The following DNAH7 variants were observed in gnomAD, a reference collection of about 807,000 sequenced individuals.
DNAH7 encodes dynein axonemal heavy chain 7.
In DNAH7, 397 loss-of-function variants were observed where a neutral mutation model predicts 444.6. The ratio of observed to expected loss-of-function variants is 0.89; its 90% CI spans 0.82 to 0.97. The LOEUF is 0.97. Among genes scored for constraint, DNAH7 ranks in the 50% least tolerant of loss-of-function variants. The probability of loss-of-function intolerance (pLI) is 0.00; values close to 1 mark genes in which losing one functional copy is unlikely to be tolerated. For missense variants in DNAH7, 4,902 were observed against 4,800.8 expected, an observed-to-expected ratio of 1.02 and a Z score of -0.62; for synonymous variants, 1,636 against 1,624.4, an observed-to-expected ratio of 1.01 and a Z score of -0.17.
chr2:195,967,209 CATAA>C (rs1325842241), intron 17 of DNAH7, among the ~76,000 whole-genome samples: 3 of 152,106 alleles, frequency 2.0e-5, no homozygotes, highest in African/African-American at 4.8e-5. Flanking sequence ...ATACTGATTG[CATAA>C]ATAAGCAAAA....
At chr2:195,943,948 T>C (rs906985296) in intron 19 of DNAH7, among the ~76,000 whole-genome samples, 1 of 152,140 alleles carries the variant, frequency 6.6e-6, no homozygotes, top group Admixed American at 6.6e-5. Flanking sequence ...GGAACACAAA[T>C]ATGCTCGCTT....
At chr2:196,015,656 C>A (rs1694975211) in intron 9 of DNAH7, among the ~76,000 whole-genome samples, 1 of 152,148 alleles carries the variant, frequency 6.6e-6, no homozygotes, top group Non-Finnish European at 1.5e-5. Flanking sequence ...TTCTAGAGAG[C>A]ATCTTATCAG....
chr2:195,852,750 G>C (rs566418094), intron 46 of DNAH7, among the ~76,000 whole-genome samples: 1 of 152,144 alleles, frequency 6.6e-6, no homozygotes, highest in Non-Finnish European at 1.5e-5. Context: ...GGCAGGGAAC[G>C]TGGGGTTTGT....
chr2:195,961,419 A>G (rs1691096714), intron 17 of DNAH7, among the ~76,000 whole-genome samples: 1 of 146,914 alleles, frequency 6.8e-6, no homozygotes. Context: ...CCACCCTTGT[A>G]GGCATCATTC....
rs76920418 is a variant in DNAH7, at chr2:195,783,260, C to T, written c.10878+3750G>A. On this transcript the variant is annotated intron_variant, in intron 58 of 64. Coordinates refer to ENST00000312428, the MANE Select transcript of DNAH7 (RefSeq NM_018897.3). ...CAAATGATTTCGTTTAGACTCTTAT[C>T]GTTATCTGCCTGGGTTATCATGATA... Among the ~76,000 whole-genome samples the T allele has an allele frequency of 0.019, 2,906 of 152,248 alleles. 223 individuals carry two copies. In the East Asian group the frequency reaches 0.26, roughly 13 times the overall value.
chr2:195,876,643 G>T lies in DNAH7; in HGVS notation c.6018C>A (p.Phe2006Leu). ...KEIYKPLLINFSAQTTAAQTQ... is the reference protein window; with the variant it reads ...KEIYKPLLINLSAQTTAAQTQ... ...TTTGAGCTGCTGTAGTTTGTGCTGA[G>T]AAGTTAATTAGCAGAGGTTTGTAGA... The change falls in exon 37 of 65, where the codon TTC becomes TTA. Residue 2006 changes from phenylalanine to leucine, a missense_variant. Physicochemically the swap from Phe to Leu is conservative, Grantham distance 22 (BLOSUM62 0). Transcript: ENST00000312428. 1 of 1,610,778 alleles carries T rather than the reference G, an allele frequency of 6.2e-7. No homozygotes were observed. Among genetic ancestry groups the T allele is most frequent in the African/African-American group, 1.3e-5 (1 of 74,942 alleles).
At chr2:196,009,546 T>G (rs906286051) in intron 10 of DNAH7, among the ~76,000 whole-genome samples, 1 of 152,160 alleles carries the variant, frequency 6.6e-6, no homozygotes, top group African/African-American at 2.4e-5. Flanking sequence ...AGAAACATGC[T>G]GAGATTCAGG....
At chr2:195,779,722 C>T (rs539995334) in intron 58 of DNAH7, among the ~76,000 whole-genome samples, 39 of 152,224 alleles carry the variant, frequency 2.6e-4, no homozygotes, top group African/African-American at 7.9e-4. Context: ...CCTCCTACCT[C>T]AGCCTCTCAA....
chr2:195,874,041 T>C (rs1273164316), intron 38 of DNAH7, among the ~76,000 whole-genome samples: 1 of 151,572 alleles, frequency 6.6e-6, no homozygotes, highest in Non-Finnish European at 1.5e-5. Flanking sequence ...CAATACAATA[T>C]TAAAATGTAA....
intron 22 of DNAH7, among the ~76,000 whole-genome samples, chr2:195,925,601 G>A (rs1319638867): frequency 6.6e-6 from 1 of 152,060 alleles, no homozygotes; most frequent in Non-Finnish European, 1.5e-5. Context: ...GTGACCTGTT[G>A]GTAAGTTGGA....
chr2:195,796,483 A>C, intron 56 of DNAH7, 93 bp downstream of exon 56: 4 of 1,428,738 alleles, frequency 2.8e-6, no homozygotes, highest in Non-Finnish European at 3.8e-6. Context: ...GCAACGCTCC[A>C]AATTAGAGGG....
Position 195,884,752 on chromosome 2 carries a change from G to GATC in DNAH7, c.5593_5595dup (p.Asp1865dup), listed in dbSNP as rs1701608776. ...CGAAGAATCTTATTAAATTTCAATC[G>GATC]ATCATCATCTGTACAAGAAGCACCA... On this transcript the variant is annotated inframe_insertion, in exon 35 of 65. Transcript: ENST00000312428. 6 of 1,613,790 alleles carry GATC rather than the reference G, an allele frequency of 3.7e-6. No individual in the cohort carries two copies. The South Asian group carries it at 5.5e-5, about 15-fold the overall frequency.
chr2:195,972,652 CA>C (rs942145980), intron 15 of DNAH7, among the ~76,000 whole-genome samples, 186 bp from the exon 16 acceptor site: 12 of 149,728 alleles, frequency 8.0e-5, no homozygotes, highest in African/African-American at 2.2e-4. Context: ...ATGACAACAA[CA>C]AAAAAAAAGA....
chr2:196,060,963 T>G (rs960376804), intron 1 of DNAH7, among the ~76,000 whole-genome samples: 3 of 152,198 alleles, frequency 2.0e-5, no homozygotes, highest in Non-Finnish European at 2.9e-5. Flanking sequence ...TAAAGTTCAT[T>G]TTTAAATTTA....
Position 195,960,673 on chromosome 2 carries a change from T to A in DNAH7, c.2478A>T (p.Lys826Asn). 1 of 1,614,202 alleles carries A rather than the reference T, an allele frequency of 6.2e-7. No homozygotes were observed. Among genetic ancestry groups the A allele is most frequent in the Non-Finnish European group, 8.5e-7 (1 of 1,180,032 alleles). The change falls in exon 18 of 65, where the codon AAA becomes AAT. Residue 826 changes from lysine (K) to asparagine (N), a missense_variant. Coordinates refer to ENST00000312428, the MANE Select transcript of DNAH7 (RefSeq NM_018897.3). ...TGAAATCTTCCACCTTTGATCTTAC[T>A]TTTTTTGTCATTGCCAATGCATATG... ...DSPYALAMTK[K>N]VRSKVEDFKQ... is the part of the protein sequence containing the mutation.
At chr2:195,877,721 G>C (rs1450405711) in intron 36 of DNAH7, among the ~76,000 whole-genome samples, 1 of 152,172 alleles carries the variant, frequency 6.6e-6, no homozygotes, top group Non-Finnish European at 1.5e-5. Flanking sequence ...AGAAAATAAG[G>C]AAGACGTAGG....
At chr2:196,065,850 G>A (rs943685608) in intron 1 of DNAH7, among the ~76,000 whole-genome samples, 1 of 152,116 alleles carries the variant, frequency 6.6e-6, no homozygotes, top group Admixed American at 6.5e-5. Context: ...TTCATCCCTC[G>A]TGGTTCTCTT....
Position 195,738,065 on chromosome 2 carries a change from C to A in DNAH7, c.11931G>T (p.Leu3977Phe), listed in dbSNP as rs751818199. ...CTCCTCTCCGCTCACTTGTCTTATA[C>A]AATGGAGCAACATAACTTGGCCGTT... ...IPKRPSYVAP[L>F]YKTSERRGVL... The change falls in exon 65 of 65, where the codon TTG becomes TTT. Residue 3977 changes from leucine (L) to phenylalanine (F), a missense_variant. Leu to Phe is a conservative substitution (Grantham distance 22). Coordinates refer to ENST00000312428, the MANE Select transcript of DNAH7 (RefSeq NM_018897.3). 21 of 1,613,900 alleles carry A rather than the reference C, an allele frequency of 1.3e-5. No individual in the cohort carries two copies. Among genetic ancestry groups the A allele is most frequent in the Non-Finnish European group, 1.7e-5 (20 of 1,179,886 alleles).
chr2:195,900,389 T>C lies in DNAH7; in HGVS notation c.4441A>G (p.Ile1481Val). 6.2e-7 allele frequency: 1 copy of C among 1,614,056 alleles called. No homozygotes were observed. The highest frequency in any genetic ancestry group is 1.1e-5 in the South Asian group (1 of 91,088). The stretch of plus-strand genomic sequence containing the variant: ...GAACACAAGCGATACGTAGCCACAA[T>C]TTTTACAGACAGTGGTCGAGCAGTG... ...FVTARPLSVK[I>V]VATYRLCSEQ... The change falls in exon 28 of 65, where the codon ATT becomes GTT. Residue 1481 changes from isoleucine to valine, a missense_variant. By Grantham distance (29) the Ile-to-Val change is conservative. Transcript: ENST00000312428.
Sources: allele counts gnomAD v4.1 joint callset (sites outside exome capture counted in the v4.1 genomes callset), GRCh38; gene constraint gnomAD v4.1.1; transcripts MANE v1.5; gene names NCBI Gene and HGNC (gene_info 2026-07-23, HGNC 2026-07-21).